The following ST3GAL6 variants were observed in gnomAD, a reference collection of about 807,000 sequenced individuals.
ST3GAL6 encodes ST3 beta-galactoside alpha-2,3-sialyltransferase 6.
A neutral mutation model predicts 40.5 loss-of-function variants in ST3GAL6; 31 were observed. The observed-to-expected ratio is 0.77, with a 90% CI of 0.58 to 1.03. ST3GAL6 has a LOEUF of 1.03. Ranked by LOEUF, ST3GAL6 falls within the 50% of genes least tolerant of loss-of-function variation. ST3GAL6 has a pLI of 0.00. For missense variants in ST3GAL6, 357 were observed against 393.2 expected, an observed-to-expected ratio of 0.91 and a Z score of 0.78; for synonymous variants, 129 against 136.9, an observed-to-expected ratio of 0.94 and a Z score of 0.40.
chr3:98,784,919 C>T, intron 5 of ST3GAL6, 26 bp from the exon 6 acceptor site: 1 of 1,577,362 alleles, frequency 6.3e-7, no homozygotes, highest in African/African-American at 1.3e-5. Context: ...ATGGCTCAAT[C>T]TCTCACTTGT....
chr3:98,738,330 G>C (rs1935748632), intron 1 of ST3GAL6, among the ~76,000 whole-genome samples: 1 of 151,584 alleles, frequency 6.6e-6, no homozygotes, highest in South Asian at 2.1e-4. Context: ...CTGAAATGCA[G>C]TGGCACAATC....
upstream of ST3GAL6, among the ~76,000 whole-genome samples, chr3:98,759,625 T>C (rs1937593311): frequency 6.6e-6 from 1 of 152,156 alleles, no homozygotes; most frequent in Non-Finnish European, 1.5e-5. Context: ...TTTAAACTTT[T>C]CAAAATCCTG....
At chr3:98,770,803 G>C (rs1938895298) in intron 2 of ST3GAL6, 76 bp from the exon 3 acceptor site, 1 of 1,284,574 alleles carries the variant, frequency 7.8e-7, no homozygotes, top group African/African-American at 1.5e-5. Flanking sequence ...GCATGAATGA[G>C]TTCCCAGGGC....
intron 5 of ST3GAL6, among the ~76,000 whole-genome samples, chr3:98,778,856 A>T (rs1308754298): frequency 6.6e-6 from 1 of 152,236 alleles, no homozygotes; most frequent in Non-Finnish European, 1.5e-5. Flanking sequence ...GATTTAAACT[A>T]CGTGGACATT....
At chr3:98,772,767 A>G in intron 3 of ST3GAL6, 46 bp from the exon 4 acceptor site, 2 of 1,317,720 alleles carry the variant, frequency 1.5e-6, no homozygotes, top group South Asian at 2.4e-5. Flanking sequence ...AAGCTTGCAA[A>G]TATAGTAGGT....
At chr3:98,750,411 A>C (rs971815593) in intron 1 of ST3GAL6, among the ~76,000 whole-genome samples, 1 of 148,612 alleles carries the variant, frequency 6.7e-6, no homozygotes, top group Non-Finnish European at 1.5e-5. Flanking sequence ...CCTCAAAATC[A>C]GGGCTGAAGA....
intron 1 of ST3GAL6, among the ~76,000 whole-genome samples, chr3:98,737,023 C>T (rs182414159): frequency 5.9e-5 from 9 of 152,100 alleles, no homozygotes; most frequent in African/African-American, 2.2e-4. Context: ...CAGTCTTCAC[C>T]CAGTCATGAT....
At chr3:98,771,091 T>C in intron 3 of ST3GAL6, 135 bp downstream of exon 3, 1 of 1,509,644 alleles carries the variant, frequency 6.6e-7, no homozygotes, top group Non-Finnish European at 8.9e-7. Flanking sequence ...AGGAAGAGCT[T>C]GAATATCCTG....
At chr3:98,734,329 C>A (rs1314660020) in intron 1 of ST3GAL6, among the ~76,000 whole-genome samples, 1 of 152,184 alleles carries the variant, frequency 6.6e-6, no homozygotes, top group African/African-American at 2.4e-5. Flanking sequence ...ATACCAAGAT[C>A]TGCGAAAAAC....
intron 1 of ST3GAL6, chr3:98,756,658 T>C (rs1937443247): frequency 1.2e-6 from 1 of 851,308 alleles, no homozygotes; most frequent in Non-Finnish European, 1.5e-6. Flanking sequence ...CTTCTATGAA[T>C]ACAGGTGCCT....
At chr3:98,748,702 G>A (rs1163505508) in intron 1 of ST3GAL6, among the ~76,000 whole-genome samples, 2 of 152,136 alleles carry the variant, frequency 1.3e-5, no homozygotes, top group East Asian at 3.9e-4. Flanking sequence ...CTGACCTCAG[G>A]TGATCTGCCC....
chr3:98,772,910 A>G lies in ST3GAL6; in HGVS notation c.265A>G (p.Thr89Ala), dbSNP rs767288718. ...DKFDLPYGMR[T>A]SAEYFRLALS... is the part of the protein sequence containing the mutation. ...GTTTGATTTGCCCTATGGGATGAGAACATCAGGTCAGTAGTAGTATTCTTA... is the reference window on the plus strand; with the variant it reads ...GTTTGATTTGCCCTATGGGATGAGAGCATCAGGTCAGTAGTAGTATTCTTA... Residue 89 changes from threonine (T) to alanine (A), a missense_variant, in exon 4 of 10, where the codon ACA becomes GCA. Coordinates refer to ENST00000483910, the MANE Select transcript of ST3GAL6 (RefSeq NM_001323368.2). 6 of 1,602,640 alleles carry G rather than the reference A, an allele frequency of 3.7e-6. No individual in the cohort carries two copies. The highest frequency in any genetic ancestry group is 5.1e-6 in the Non-Finnish European group (6 of 1,170,090).
At chr3:98,764,939 T>C (rs956031171) in intron 1 of ST3GAL6, among the ~76,000 whole-genome samples, 1 of 152,254 alleles carries the variant, frequency 6.6e-6, no homozygotes, top group Admixed American at 6.5e-5. Context: ...ATGGGATCTG[T>C]ATCTGTTACA....
chr3:98,753,873 C>G (rs1275548646), intron 1 of ST3GAL6, among the ~76,000 whole-genome samples: 3 of 152,114 alleles, frequency 2.0e-5, no homozygotes, highest in Admixed American at 2.0e-4. Context: ...ATAGTTTAAG[C>G]CAGTTATTGA....
At chr3:98,762,249 A>G (rs1937867352), upstream of ST3GAL6, among the ~76,000 whole-genome samples, 2 of 152,250 alleles carry the variant, frequency 1.3e-5, no homozygotes, top group African/African-American at 4.8e-5. Context: ...CAATGCAGAA[A>G]GAAAATAGTT....
chr3:98,769,031 C>G (rs1358567001), intron 2 of ST3GAL6, among the ~76,000 whole-genome samples: 3 of 152,180 alleles, frequency 2.0e-5, no homozygotes, highest in Non-Finnish European at 4.4e-5. Context: ...GAGAAAGCCT[C>G]TGTAATAGGG....
At position 98,738,007 on chromosome 3, in the gene ST3GAL6, C is replaced by T. The variant is rs551582594; in HGVS notation, c.-12+5475C>T. ...TTGGATATGGGGGGCAGTTTCTAATCGTTTAACACCATCCCCCTGGGTGCT... is the reference window on the plus strand; with the variant it reads ...TTGGATATGGGGGGCAGTTTCTAATTGTTTAACACCATCCCCCTGGGTGCT... On this transcript the variant is annotated intron_variant, in intron 1 of 9. Transcript: ENST00000265261. Among the ~76,000 whole-genome samples, 3 of 152,014 alleles carry T rather than the reference C, an allele frequency of 2.0e-5. No homozygotes were observed. The East Asian group carries it at 5.8e-4, about 29-fold the overall frequency.
chr3:98,763,491 T>C, intron 1 of ST3GAL6, 52 bp downstream of exon 1: 2 of 1,286,034 alleles, frequency 1.6e-6, no homozygotes, highest in Non-Finnish European at 2.0e-6. Flanking sequence ...GGCTTAAATC[T>C]AGATGCTGCT....
rs1559754649 is a variant in ST3GAL6 at position 98,788,063 on chromosome 3, T to C, written c.459T>C (p.His153=). Reference sequence around the variant, plus strand: ...TGAATAATGGTCCTGTTTTAGGACATGAAGAAGAAGTTGGGAGAAGGACAA... The same window carrying C: ...TGAATAATGGTCCTGTTTTAGGACACGAAGAAGAAGTTGGGAGAAGGACAA... The part of the protein sequence containing the change: ...IRMNNGPVLG[H]EEEVGRRTTF... The change falls in exon 7 of 10, where the codon CAT becomes CAC. Residue 153 remains histidine, a synonymous_variant. Coordinates refer to ENST00000483910, the MANE Select transcript of ST3GAL6 (RefSeq NM_001323368.2). The C allele has an allele frequency of 1.2e-6, 2 of 1,613,804 alleles. No homozygotes were observed. The highest frequency in any genetic ancestry group is 1.3e-5 in the African/African-American group (1 of 75,048).
Sources: allele counts gnomAD v4.1 joint callset (sites outside exome capture counted in the v4.1 genomes callset), GRCh38; gene constraint gnomAD v4.1.1; transcripts MANE v1.5; gene names NCBI Gene and HGNC (gene_info 2026-07-23, HGNC 2026-07-21).